The following ADCY3 variants were observed in gnomAD, a reference collection of about 807,000 sequenced individuals.
ADCY3 encodes the protein adenylate cyclase type 3.
A neutral mutation model predicts 119.4 loss-of-function variants in ADCY3; 70 were observed. The ratio of observed to expected loss-of-function variants is 0.59; its 90% CI spans 0.48 to 0.72. The LOEUF is 0.72. ADCY3 is among the 30% of genes least tolerant of loss of function. The probability of loss-of-function intolerance (pLI) is 0.00; values close to 1 mark genes in which losing one functional copy is unlikely to be tolerated. For missense variants in ADCY3, 1,238 were observed against 1,541.6 expected (o/e 0.80, Z 3.30); for synonymous variants, 672 against 621.4 (o/e 1.08, Z -1.21).
chr2:24,829,903 T>C (rs1395565526), intron 13 of ADCY3, among the ~76,000 whole-genome samples: 1 of 151,460 alleles, frequency 6.6e-6, no homozygotes, highest in Admixed American at 6.6e-5. Flanking sequence ...AGATCTGGGC[T>C]CCCAACTCCT....
At chr2:24,890,421 G>A (rs1009067919) in intron 2 of ADCY3, among the ~76,000 whole-genome samples, 2 of 152,160 alleles carry the variant, frequency 1.3e-5, no homozygotes, top group African/African-American at 4.8e-5. Context: ...TTAAATGTCT[G>A]ATGAAATTCA....
Position 24,838,628 on chromosome 2 carries a change from T to C in ADCY3, c.1356-6A>G. ...TCTGGGAGATGTGCACGCGCCTGGA[T>C]TGCAGAGAGAGAGGCCCTGAGCGTC... On this transcript the variant is annotated splice_region_variant and splice_polypyrimidine_tract_variant and intron_variant, in intron 7 of 21. Coordinates refer to ENST00000679454, the MANE Select transcript of ADCY3 (RefSeq NM_004036.5). 1.2e-6 allele frequency: 2 copies of C among 1,613,618 alleles called. No individual in the cohort carries two copies. Among genetic ancestry groups the C allele is most frequent in the East Asian group, 2.2e-5 (1 of 44,874 alleles).
intron 7 of ADCY3, chr2:24,839,011 T>TG (rs1245699338): frequency 1.3e-6 from 1 of 755,594 alleles, no homozygotes; most frequent in African/African-American, 1.8e-5. Context: ...GGCTTGATCT[T>TG]GGCTCAGTGC....
intron 2 of ADCY3, among the ~76,000 whole-genome samples, chr2:24,875,701 T>G (rs1675606617): frequency 6.6e-6 from 1 of 152,178 alleles, no homozygotes; most frequent in Non-Finnish European, 1.5e-5. Context: ...CTCACCTGTA[T>G]CCTCACCTCA....
chr2:24,820,619 AC>A, intron 21 of ADCY3, 104 bp downstream of exon 21: 1 of 1,544,914 alleles, frequency 6.5e-7, no homozygotes, highest in East Asian at 2.3e-5. Flanking sequence ...CTCTGGACTT[AC>A]TGTTCAGGGC....
chr2:24,878,308 C>G lies in ADCY3; in HGVS notation c.676-5589G>C, dbSNP rs181187384. On this transcript the variant is annotated intron_variant, in intron 2 of 21. Coordinates refer to ENST00000679454, the MANE Select transcript of ADCY3 (RefSeq NM_004036.5). The surrounding 1 kb of genome is among the most constrained non-coding windows in gnomAD (Gnocchi z 4.0). ...TCCTCCCTCCTGGAAGTTTACGCAT[C>G]GCAAGATCCTTCACGTTTGCTAACA... Among the ~76,000 whole-genome samples, 155 of 152,222 alleles carry G rather than the reference C, an allele frequency of 1.0e-3. No homozygotes were observed. Among genetic ancestry groups the G allele is most frequent in the Admixed American group, 1.8e-3 (28 of 15,306 alleles).
At chr2:24,906,117 G>A (rs1359641263) in intron 2 of ADCY3, among the ~76,000 whole-genome samples, 1 of 152,048 alleles carries the variant, frequency 6.6e-6, no homozygotes, top group Non-Finnish European at 1.5e-5. Context: ...GACCAGCCTG[G>A]CCAACATGGT....
intron 11 of ADCY3, among the ~76,000 whole-genome samples, chr2:24,832,355 G>A (rs1428823277): frequency 6.6e-6 from 1 of 152,098 alleles, no homozygotes; most frequent in African/African-American, 2.4e-5. Context: ...CTGCCATGTC[G>A]CTGTGCTGAA....
At chr2:24,885,595 C>T (rs1345301833) in intron 2 of ADCY3, among the ~76,000 whole-genome samples, 1 of 152,198 alleles carries the variant, frequency 6.6e-6, no homozygotes, top group Non-Finnish European at 1.5e-5. Context: ...GCCTCTGGGT[C>T]TCCTTTTTCC....
At chr2:24,823,590 G>A (rs1461985439) in intron 17 of ADCY3, among the ~76,000 whole-genome samples, 1 of 151,032 alleles carries the variant, frequency 6.6e-6, no homozygotes, top group African/African-American at 2.4e-5. Flanking sequence ...GAAGCACACT[G>A]CGGCCTTGAA....
chr2:24,889,824 G>T (rs888449049), intron 2 of ADCY3, among the ~76,000 whole-genome samples: 1 of 152,190 alleles, frequency 6.6e-6, no homozygotes, highest in Non-Finnish European at 1.5e-5. Context: ...CAGCAAGAGC[G>T]AAACTCCGTC....
At chr2:24,854,204 T>C (rs1444609079) in intron 3 of ADCY3, among the ~76,000 whole-genome samples, 1 of 152,224 alleles carries the variant, frequency 6.6e-6, no homozygotes. Context: ...AAGCTACTTT[T>C]TATCTGATGG....
intron 2 of ADCY3, among the ~76,000 whole-genome samples, chr2:24,895,279 C>T (rs1025480285): frequency 3.6e-4 from 43 of 117,996 alleles, no homozygotes; most frequent in Non-Finnish European, 5.2e-4. Context: ...TTAGGAGAGA[C>T]GGGGTTTGAC....
intron 21 of ADCY3, chr2:24,820,359 G>T: frequency 7.5e-7 from 1 of 1,325,122 alleles, no homozygotes; most frequent in Non-Finnish European, 9.6e-7. Flanking sequence ...GATGGCCATG[G>T]TCACCTGGGT....
chr2:24,825,825 C>T, intron 16 of ADCY3: 1 of 575,420 alleles, frequency 1.7e-6, no homozygotes, highest in Non-Finnish European at 3.1e-6. Flanking sequence ...CCTTCACCAT[C>T]CTGGAGGGGG....
In ADCY3 at chr2:24,820,033, C is replaced by A. The variant is rs781331772; in HGVS notation, c.3334G>T (p.Gly1112Trp). Residue 1112 changes from glycine to tryptophan, a missense_variant, in exon 22 of 22, where the codon GGG becomes TGG. Physicochemically the swap from Gly to Trp is radical, Grantham distance 184. Around this residue, in one of 7 missense-constraint regions of ADCY3, gnomAD observed 86 missense variants for 70.7 expected, o/e 1.22. Transcript: ENST00000679454. ...TTCAAGAAGAAGGTCAGCAGCTCCC[C>A]CTTCCCCTTCACAAAGATGGGGCCT... ...RRGPIFVKGK[G>W]ELLTFFLKGR... 1 of 1,609,076 alleles carries A rather than the reference C, an allele frequency of 6.2e-7. No homozygotes were observed. The highest frequency in any genetic ancestry group is 8.5e-7 in the Non-Finnish European group (1 of 1,177,836).
At position 24,919,679 on chromosome 2, in the gene ADCY3, T is replaced by C. The variant is rs1405021680; in HGVS notation, c.-198+4A>G. On this transcript the variant is annotated splice_donor_region_variant and intron_variant, in intron 1 of 21. Transcript: ENST00000679454. This position sits in a 1 kb window ranked among gnomAD's most constrained non-coding sequence, Gnocchi z 5.5. ...CGGAAGCCTGGCCCTGCCCCTGCGT[T>C]TACCTGTGCGGGAACTCGGCCACCG... The C allele has an allele frequency of 6.6e-6, 1 of 152,230 alleles. No individual in the cohort carries two copies. The allele number at this position is 152,230 out of a possible 1,614,324, so 9.4% of individuals were successfully genotyped here. A position where few individuals can be genotyped will look rare whatever the true frequency, so the allele number is the denominator to read the frequency against.
chr2:24,838,108 T>C (rs1670529806), intron 8 of ADCY3, among the ~76,000 whole-genome samples: 2 of 129,470 alleles, frequency 1.5e-5, no homozygotes, highest in South Asian at 5.1e-4. Flanking sequence ...ACGTCACTCC[T>C]GTGGCTTCAC....
chr2:24,911,641 A>ACACACACACACACACACACACACACACAC (rs1459604524), intron 2 of ADCY3, among the ~76,000 whole-genome samples: 1 of 58,032 alleles, frequency 1.7e-5, no homozygotes, highest in African/African-American at 5.9e-5. Context: ...CAGACTCAAA[A>ACACACACACACACACACACACACACACAC]AAAAAAAAAA....
Sources: gnomAD v4.1 joint callset for allele counts (sites outside exome capture counted in the v4.1 genomes callset) on GRCh38, gnomAD v4.1.1 for gene constraint, gnomAD v4.1.1 regional missense constraint, Gnocchi (gnomAD v3.1) non-coding constraint, MANE v1.5 for transcripts, NCBI Gene and HGNC (gene_info 2026-07-23, HGNC 2026-07-21) for gene names.